FIG4: variants seen among roughly 807,000 people sequenced by gnomAD.
The protein encoded by FIG4 is polyphosphoinositide phosphatase.
A neutral mutation model predicts 118.6 loss-of-function variants in FIG4; 112 were observed. That is an observed-to-expected ratio of 0.94 (90% CI 0.81 to 1.11). The LOEUF (loss-of-function observed/expected upper bound fraction) is 1.11. Ranked by LOEUF, FIG4 falls within the 50% of genes least tolerant of loss-of-function variation. The probability of loss-of-function intolerance (pLI) is 0.00; values close to 1 mark genes in which losing one functional copy is unlikely to be tolerated. For missense variants in FIG4, 969 were observed against 1,111.7 expected (o/e 0.87, Z 1.83); for synonymous variants, 369 against 381.2 (o/e 0.97, Z 0.37).
At chr6:109,718,469 C>T (rs1358194993) in intron 3 of FIG4, among the ~76,000 whole-genome samples, 1 of 152,236 alleles carries the variant, frequency 6.6e-6, no homozygotes, top group Non-Finnish European at 1.5e-5. Flanking sequence ...TATTTTGTGA[C>T]TGTATGTCTA....
intron 16 of FIG4, among the ~76,000 whole-genome samples, chr6:109,782,747 C>G (rs912841715): frequency 6.6e-6 from 1 of 152,202 alleles, no homozygotes; most frequent in Non-Finnish European, 1.5e-5. Context: ...TTTCATTCCC[C>G]TGATCTGACA....
chr6:109,792,515 G>T (rs75812212), intron 20 of FIG4, 67 bp from the exon 21 acceptor site: 5 of 929,508 alleles, frequency 5.4e-6, no homozygotes, highest in South Asian at 4.2e-5. Context: ...TTTTTTTGGG[G>T]AAATTATTGA....
At position 109,760,335 on chromosome 6, in the gene FIG4, A is replaced by G; in HGVS notation, c.1223A>G (p.Glu408Gly). Residue 408 changes from glutamate to glycine, a missense_variant, in exon 11 of 23, where the codon GAG (glutamate) becomes GGG (glycine). Physicochemically the swap from Glu to Gly is moderately conservative, Grantham distance 98. This residue lies in a region of FIG4 where 246 missense variants were observed against 354.3 expected (regional missense o/e 0.69). Transcript: ENST00000230124. ...VTYLNQFLPP[E>G]HTIVYIPWDM... ...TATCTCAACCAATTTTTGCCTCCTG[A>G]GCACACTATTGTTTATATTCCCTGG... 9 of 1,613,146 alleles carry G rather than the reference A, an allele frequency of 5.6e-6. No individual in the cohort carries two copies. The highest frequency in any genetic ancestry group is 6.8e-6 in the Non-Finnish European group (8 of 1,179,110).
chr6:109,760,150 G>T (rs1777057836), intron 10 of FIG4, 100 bp from the exon 11 acceptor site: 2 of 954,308 alleles, frequency 2.1e-6, no homozygotes, highest in Non-Finnish European at 1.7e-6. Context: ...TTTAAGACTT[G>T]GATTTTTTTG....
At position 109,724,817 on chromosome 6, in the gene FIG4, G is replaced by A. The variant is rs1316897578; in HGVS notation, c.290-2292G>A. Reference sequence around the variant, plus strand: ...TTTATAATCCTTTGTGTGTGTGTGTGTGTGTGTGTGTGTGTACATATATAT... The same window carrying A: ...TTTATAATCCTTTGTGTGTGTGTGTATGTGTGTGTGTGTGTACATATATAT... On this transcript the variant is annotated intron_variant, in intron 3 of 22. Transcript: ENST00000230124. 2.0e-5 allele frequency among the ~76,000 whole-genome samples: 3 copies of A among 150,900 alleles called. No homozygotes were observed. The Admixed American group carries it at 2.0e-4, about 10-fold the overall frequency.
Position 109,791,394 on chromosome 6 carries a change from A to G in FIG4, c.2199A>G (p.Glu733=), listed in dbSNP as rs537464083. Residue 733 remains glutamate (E), a synonymous_variant, in exon 20 of 23, where the codon GAA becomes GAG. Coordinates refer to ENST00000230124, the MANE Select transcript of FIG4 (RefSeq NM_014845.6). ...TTAAAAGAAACAAAAGCAATAGAGA[A>G]GAAGCTGTATTACAGCGGAAAACGG... is the stretch of plus-strand genomic sequence containing the variant. ...KSVLGNKSNR[E]EAVLQRKTAA... is the part of the protein sequence containing the mutation. 45 of 1,613,172 alleles carry G rather than the reference A, an allele frequency of 2.8e-5. No individual in the cohort carries two copies. Among genetic ancestry groups the G allele is most frequent in the Non-Finnish European group, 3.6e-5 (43 of 1,179,960 alleles).
intron 10 of FIG4, among the ~76,000 whole-genome samples, chr6:109,757,463 C>G (rs185547173): frequency 3.9e-5 from 6 of 152,312 alleles, no homozygotes; most frequent in Admixed American, 2.6e-4. Flanking sequence ...GAACATATCT[C>G]AAAATAATAA....
intron 1 of FIG4, among the ~76,000 whole-genome samples, chr6:109,699,472 TC>T (rs1431461943): frequency 6.6e-6 from 1 of 152,000 alleles, no homozygotes; most frequent in Admixed American, 6.6e-5. Flanking sequence ...TTATTTTTTT[TC>T]CTCATACGCG....
intron 10 of FIG4, among the ~76,000 whole-genome samples, chr6:109,754,870 T>A (rs1035171946): frequency 2.0e-5 from 3 of 152,202 alleles, no homozygotes; most frequent in African/African-American, 7.2e-5. Context: ...ATTTTGTTGA[T>A]CCTTTCAAAA....
At chr6:109,764,912 T>G in intron 13 of FIG4, 101 bp from the exon 14 acceptor site, 2 of 1,102,930 alleles carry the variant, frequency 1.8e-6, no homozygotes, top group East Asian at 2.4e-5. Context: ...TTTTTGTTTT[T>G]GTTTTTGTTT....
chr6:109,765,556 T>C (rs776152370), intron 14 of FIG4, among the ~76,000 whole-genome samples: 3 of 152,192 alleles, frequency 2.0e-5, no homozygotes, highest in Non-Finnish European at 4.4e-5. Flanking sequence ...GCTTTGGGTT[T>C]TTCTTCTGTT....
chr6:109,753,735 C>T (rs1776787809), intron 10 of FIG4, among the ~76,000 whole-genome samples: 1 of 152,052 alleles, frequency 6.6e-6, no homozygotes, highest in African/African-American at 2.4e-5. Context: ...CATGATTTGG[C>T]TCTCTGTCTG....
intron 10 of FIG4, among the ~76,000 whole-genome samples, chr6:109,755,355 A>G (rs1293969467): frequency 6.6e-6 from 1 of 152,128 alleles, no homozygotes; most frequent in Non-Finnish European, 1.5e-5. Context: ...CTTTGCTTCC[A>G]CCTATGTGGT....
rs1264494122 is a variant in FIG4, at chr6:109,691,481, G to A, written c.46G>A (p.Val16Ile). The change falls in exon 1 of 23, where the codon GTT becomes ATT. Residue 16 changes from valine (V) to isoleucine (I), a missense_variant. Val to Ile is a conservative substitution (Grantham distance 29). Transcript: ENST00000230124. Reference protein sequence around the residue: ...APIISSVQKLVLYETRARYFL... With the variant: ...APIISSVQKLILYETRARYFL... ...CATCATCAGCTCGGTCCAGAAGCTG[G>A]TTCTGTATGAGACTAGAGCTGTGAG... 1.3e-6 allele frequency: 2 copies of A among 1,584,434 alleles called. No individual in the cohort carries two copies. Among genetic ancestry groups the A allele is most frequent in the African/African-American group, 1.3e-5 (1 of 74,510 alleles).
chr6:109,743,686 G>A lies in FIG4; in HGVS notation c.1051G>A (p.Asp351Asn), dbSNP rs879253941. 6.2e-7 allele frequency: 1 copy of A among 1,612,134 alleles called. No individual in the cohort carries two copies. Among genetic ancestry groups the A allele is most frequent in the Non-Finnish European group, 8.5e-7 (1 of 1,178,758 alleles). Reference sequence around the variant, plus strand: ...TTTTTCCTTCTCAGTGGATCAGGCAGATCCATTTGCACATGTGGCTGCCCT... The same window carrying A: ...TTTTTCCTTCTCAGTGGATCAGGCAAATCCATTTGCACATGTGGCTGCCCT... The part of the protein sequence containing the change: ...PKPPITLDQA[D>N]PFAHVAALHF... The change falls in exon 10 of 23, where the codon GAT (aspartate) becomes AAT (asparagine). Residue 351 changes from aspartate to asparagine, a missense_variant. By Grantham distance (23) the Asp-to-Asn change is conservative (BLOSUM62 1). Around this residue, in one of 3 missense-constraint regions of FIG4, gnomAD observed 246 missense variants for 354.3 expected, o/e 0.69. Coordinates refer to ENST00000230124, the MANE Select transcript of FIG4 (RefSeq NM_014845.6).
chr6:109,699,696 A>T (rs2128378040), intron 1 of FIG4, among the ~76,000 whole-genome samples: 1 of 151,826 alleles, frequency 6.6e-6, no homozygotes, highest in Non-Finnish European at 1.5e-5. Flanking sequence ...TAGAGACAGG[A>T]TTTCACCATG....
At chr6:109,707,546 A>G (rs1481664045) in intron 1 of FIG4, among the ~76,000 whole-genome samples, 1 of 151,712 alleles carries the variant, frequency 6.6e-6, no homozygotes, top group East Asian at 1.9e-4. Context: ...ATGTTGTAAT[A>G]TACAGTAAAT....
At chr6:109,734,198 TG>T (rs1418135271) in intron 5 of FIG4, among the ~76,000 whole-genome samples, 2 of 151,776 alleles carry the variant, frequency 1.3e-5, no homozygotes, top group African/African-American at 4.8e-5. Flanking sequence ...CAGACACAAT[TG>T]TACCATTTTA....
intron 18 of FIG4, among the ~76,000 whole-genome samples, chr6:109,787,909 G>T (rs1778028845): frequency 6.6e-6 from 1 of 152,122 alleles, no homozygotes; most frequent in African/African-American, 2.4e-5. Flanking sequence ...TATACAATCA[G>T]TCCCTGCCTT....
Sources: gnomAD v4.1 joint callset for allele counts (sites outside exome capture counted in the v4.1 genomes callset) on GRCh38, gnomAD v4.1.1 for gene constraint, gnomAD v4.1.1 regional missense constraint, MANE v1.5 for transcripts, NCBI Gene and HGNC (gene_info 2026-07-23, HGNC 2026-07-21) for gene names.